The following CNIH3 variants were observed in gnomAD, a reference collection of about 807,000 sequenced individuals.
The protein encoded by CNIH3 is cornichon family AMPA receptor auxiliary protein 3.
A neutral mutation model predicts 24.1 loss-of-function variants in CNIH3; 14 were observed. The ratio of observed to expected loss-of-function variants is 0.58; its 90% CI spans 0.38 to 0.91. The LOEUF (loss-of-function observed/expected upper bound fraction) is 0.91, where lower values mean the gene tolerates loss of function less well. CNIH3 is among the 40% of genes least tolerant of loss of function. The pLI, the probability that CNIH3 is intolerant of heterozygous loss-of-function variation, is 0.00. For missense variants in CNIH3, 178 were observed against 196.8 expected (o/e 0.90, Z 0.57); for synonymous variants, 68 against 73.8 (o/e 0.92, Z 0.40).
chr1:224,712,795 A>G lies in CNIH3; in HGVS notation c.199-17667A>G, dbSNP rs542675134. Among the ~76,000 whole-genome samples the G allele has an allele frequency of 9.8e-5, 15 of 152,302 alleles. No homozygotes were observed. The East Asian group carries it at 2.7e-3, about 27-fold the overall frequency. On this transcript the variant is annotated intron_variant, in intron 3 of 5. Transcript: ENST00000272133. ...ACGCTCATCATTTTAAGAATTTCCA[A>G]TATCTGCCTTATTATGTGGTTGTTT...
At chr1:224,737,420 A>G (rs953382189) in intron 5 of CNIH3, among the ~76,000 whole-genome samples, 43 of 152,294 alleles carry the variant, frequency 2.8e-4, no homozygotes, top group African/African-American at 7.5e-4. Flanking sequence ...CTGCAGCCTC[A>G]CTGGGACCCT....
chr1:224,530,957 C>T (rs927189418), intron 2 of CNIH3, among the ~76,000 whole-genome samples: 1 of 152,200 alleles, frequency 6.6e-6, no homozygotes, highest in Non-Finnish European at 1.5e-5. Context: ...CCATGACTCT[C>T]CTTTTTTCCC....
chr1:224,563,460 G>T (rs948276742), intron 3 of CNIH3, among the ~76,000 whole-genome samples: 10 of 146,368 alleles, frequency 6.8e-5, no homozygotes, highest in Admixed American at 2.1e-4. Flanking sequence ...TTTTAGACGG[G>T]GTGTGTGTGT....
chr1:224,452,292 G>A (rs911869662), intron 1 of CNIH3, among the ~76,000 whole-genome samples: 3 of 151,598 alleles, frequency 2.0e-5, no homozygotes, highest in Non-Finnish European at 4.4e-5. Flanking sequence ...TGGGATTATA[G>A]GCGCGTACCA....
rs1482497291 is a variant in CNIH3, at chr1:224,552,620, A to G, written n.450+5681A>G. 2.0e-5 allele frequency among the ~76,000 whole-genome samples: 3 copies of G among 151,868 alleles called. No homozygotes were observed. The East Asian group carries it at 5.8e-4, about 29-fold the overall frequency. Reference sequence around the variant, plus strand: ...TATAATGAATAATATCACAGGGTGTACACCAACTGTGATCTTAGGAATAAT... The same window carrying G: ...TATAATGAATAATATCACAGGGTGTGCACCAACTGTGATCTTAGGAATAAT... On this transcript the variant is annotated intron_variant and non_coding_transcript_variant, in intron 3 of 5. Transcript: ENST00000471578.
At chr1:224,644,079 C>T (rs1032656519) in intron 1 of CNIH3, among the ~76,000 whole-genome samples, 2 of 152,178 alleles carry the variant, frequency 1.3e-5, no homozygotes, top group Admixed American at 6.5e-5. Flanking sequence ...AGTCAGGGAC[C>T]GAGTGGGGCT....
chr1:224,734,551 C>T lies in CNIH3; in HGVS notation c.312-12C>T, dbSNP rs1189299278. The T allele has an allele frequency of 1.2e-6, 2 of 1,613,700 alleles. No individual in the cohort carries two copies. The highest frequency in any genetic ancestry group is 1.7e-6 in the Non-Finnish European group (2 of 1,179,710). On this transcript the variant is annotated splice_polypyrimidine_tract_variant and intron_variant, in intron 4 of 5. Transcript: ENST00000272133. ...AGGACCTCAGAGACAATGATGTCCT[C>T]TCTCCCTGCAGGTATTTCCACTGTC...
At chr1:224,627,972 G>GTA (rs1683624776) in intron 1 of CNIH3, among the ~76,000 whole-genome samples, 1 of 152,154 alleles carries the variant, frequency 6.6e-6, no homozygotes, top group Non-Finnish European at 1.5e-5. Flanking sequence ...CCTGTTGCTG[G>GTA]TCAGCAAATG....
At chr1:224,654,213 T>C (rs916057277) in intron 1 of CNIH3, among the ~76,000 whole-genome samples, 2 of 151,868 alleles carry the variant, frequency 1.3e-5, no homozygotes, top group African/African-American at 4.8e-5. Flanking sequence ...GAAACCCCTG[T>C]CTCTACTAAA....
In CNIH3 at chr1:224,599,612, G is replaced by T. The variant is rs972271521; in HGVS notation, n.402+33348G>T. On this transcript the variant is annotated intron_variant and non_coding_transcript_variant, in intron 3 of 7. Coordinates refer to the CNIH3 transcript ENST00000478120. The stretch of plus-strand genomic sequence containing the variant: ...CACAATCATTTTGCATAATTTATTA[G>T]ATATTCTAATAATTTTCTTAGAATT... Among the ~76,000 whole-genome samples, 12 of 151,544 alleles carry T rather than the reference G, an allele frequency of 7.9e-5. No individual in the cohort carries two copies. The South Asian group carries it at 2.3e-3, about 29-fold the overall frequency.
intron 1 of CNIH3, among the ~76,000 whole-genome samples, chr1:224,621,270 T>C (rs1005156219): frequency 6.6e-6 from 1 of 152,212 alleles, no homozygotes; most frequent in Non-Finnish European, 1.5e-5. Flanking sequence ...GCAGTTTTGT[T>C]AGAGAAGATG....
At chr1:224,542,651 A>T (rs1385982489) in intron 2 of CNIH3, among the ~76,000 whole-genome samples, 1 of 152,208 alleles carries the variant, frequency 6.6e-6, no homozygotes, top group Non-Finnish European at 1.5e-5. Context: ...AGGATCAATG[A>T]GAAGGCTAGG....
intron 1 of CNIH3, among the ~76,000 whole-genome samples, chr1:224,658,414 G>T (rs1572672528): frequency 1.3e-5 from 2 of 151,936 alleles, no homozygotes; most frequent in South Asian, 4.2e-4. Context: ...CAATCAGCCT[G>T]CCTCTGCCTC....
chr1:224,465,989 T>C (rs1676138936), intron 1 of CNIH3, among the ~76,000 whole-genome samples: 1 of 152,086 alleles, frequency 6.6e-6, no homozygotes, highest in South Asian at 2.1e-4. Flanking sequence ...GATCTCGCCA[T>C]TGCACTCCAG....
chr1:224,574,227 G>A (rs934901249), intron 4 of CNIH3, among the ~76,000 whole-genome samples: 9 of 152,108 alleles, frequency 5.9e-5, no homozygotes, highest in African/African-American at 1.4e-4. Context: ...ACTGCTTCAC[G>A]TCAGGTACCT....
chr1:224,554,102 G>A (rs1447116938), intron 3 of CNIH3, among the ~76,000 whole-genome samples: 2 of 152,172 alleles, frequency 1.3e-5, no homozygotes, highest in Admixed American at 6.5e-5. Flanking sequence ...CATTCTGAAC[G>A]TAATGCCTGG....
chr1:224,443,334 G>C (rs776295795), intron 1 of CNIH3, among the ~76,000 whole-genome samples: 13 of 152,044 alleles, frequency 8.6e-5, no homozygotes, highest in Non-Finnish European at 1.9e-4. Flanking sequence ...ATCTAATGAG[G>C]GTTTCTAAAT....
At chr1:224,725,187 G>A (rs1214309063) in intron 3 of CNIH3, among the ~76,000 whole-genome samples, 3 of 152,188 alleles carry the variant, frequency 2.0e-5, no homozygotes, top group African/African-American at 4.8e-5. Context: ...TCCAGCTTGG[G>A]TGACAGAGCA....
chr1:224,734,266 G>T (rs1004393016), intron 4 of CNIH3, among the ~76,000 whole-genome samples: 1 of 152,196 alleles, frequency 6.6e-6, no homozygotes, highest in African/African-American at 2.4e-5. Flanking sequence ...CTGAGAGGCG[G>T]CTCTTCCTCA....
Sources: gnomAD v4.1 joint callset for allele counts (sites outside exome capture counted in the v4.1 genomes callset) on GRCh38, gnomAD v4.1.1 for gene constraint, MANE v1.5 for transcripts, NCBI Gene and HGNC (gene_info 2026-07-23, HGNC 2026-07-21) for gene names.